The following GPR158 variants were observed in gnomAD, a reference collection of about 807,000 sequenced individuals.
The protein encoded by GPR158 is metabotropic glycine receptor.
In GPR158, 30 loss-of-function variants were observed where a neutral mutation model predicts 78.2. The ratio of observed to expected loss-of-function variants is 0.38; its 90% confidence interval spans 0.29 to 0.52. The LOEUF (loss-of-function observed/expected upper bound fraction) is 0.52, where lower values mean the gene tolerates loss of function less well. GPR158 is among the 20% of genes least tolerant of loss of function. GPR158 has a pLI of 0.83. For missense variants in GPR158, 1,463 were observed against 1,523.5 expected (o/e 0.96, Z 0.66); for synonymous variants, 581 against 591.1 (o/e 0.98, Z 0.25).
At chr10:25,535,496 G>A (rs1327562454) in intron 5 of GPR158, among the ~76,000 whole-genome samples, 2 of 152,200 alleles carry the variant, frequency 1.3e-5, no homozygotes, top group African/African-American at 4.8e-5. Context: ...GCATGGGCTT[G>A]GAAGTGTATC....
Position 25,597,652 on chromosome 10 carries a change from C to G in GPR158, c.2146-120C>G, listed in dbSNP as rs1243825465. The G allele has an allele frequency of 6.5e-6, 4 of 616,568 alleles. No individual in the cohort carries two copies. The East Asian group carries it at 8.8e-5, about 14-fold the overall frequency. 38.2% of individuals were successfully genotyped at this position (616,568 alleles called of 1,614,324 possible). On this transcript the variant is annotated intron_variant, in intron 10 of 10. Coordinates refer to ENST00000376351, the MANE Select transcript of GPR158 (RefSeq NM_020752.3). ...CGACAAGTACATATGTCAGAGAAAG[C>G]TGTAGAGCAGTTGCCCCAAATTAGA... is the stretch of plus-strand genomic sequence containing the variant.
intron 2 of GPR158, among the ~76,000 whole-genome samples, chr10:25,273,508 A>G (rs925196856): frequency 1.3e-5 from 2 of 150,374 alleles, no homozygotes; most frequent in Non-Finnish European, 2.9e-5. Context: ...TATTTTTCAG[A>G]TACAAAGACT....
chr10:25,307,523 A>G (rs958545915), intron 2 of GPR158, among the ~76,000 whole-genome samples: 1 of 151,762 alleles, frequency 6.6e-6, no homozygotes, highest in Admixed American at 6.6e-5. Flanking sequence ...AGCTGGGACT[A>G]CAGGCATGTG....
At chr10:25,428,477 G>C (rs1360458201) in intron 4 of GPR158, among the ~76,000 whole-genome samples, 1 of 152,014 alleles carries the variant, frequency 6.6e-6, no homozygotes, top group Non-Finnish European at 1.5e-5. Context: ...ATCGGATCCA[G>C]AGAACTCTTC....
intron 5 of GPR158, among the ~76,000 whole-genome samples, chr10:25,494,103 G>A (rs2130650611): frequency 6.6e-6 from 1 of 152,268 alleles, no homozygotes; most frequent in Non-Finnish European, 1.5e-5. Flanking sequence ...GTTGACTTCT[G>A]CATTTCTCAA....
chr10:25,488,659 TCTTC>T (rs1029405972), intron 5 of GPR158, among the ~76,000 whole-genome samples: 22 of 152,246 alleles, frequency 1.4e-4, no homozygotes, highest in Admixed American at 3.3e-4. Flanking sequence ...TTTATATAGC[TCTTC>T]CTTCTTGTTC....
chr10:25,269,472 C>T (rs1423853495), intron 2 of GPR158, among the ~76,000 whole-genome samples: 1 of 152,118 alleles, frequency 6.6e-6, no homozygotes, highest in Non-Finnish European at 1.5e-5. Context: ...TTATATCCCT[C>T]CCCCAATCCC....
chr10:25,301,232 C>T (rs532538), intron 2 of GPR158, among the ~76,000 whole-genome samples: 91,203 of 152,004 alleles, frequency 0.6, 29,162 homozygotes, highest in Non-Finnish European at 0.74. Flanking sequence ...GGTTTTTCAA[C>T]GAATAGACTG....
At chr10:25,278,431 A>G (rs1421195203) in intron 2 of GPR158, among the ~76,000 whole-genome samples, 1 of 152,202 alleles carries the variant, frequency 6.6e-6, no homozygotes, top group Non-Finnish European at 1.5e-5. Context: ...TTGGAGGATT[A>G]AATAATAAGT....
chr10:25,290,938 A>G lies in GPR158; in HGVS notation c.1008+69781A>G, dbSNP rs560612894. On this transcript the variant is annotated intron_variant, in intron 2 of 10. Coordinates refer to ENST00000376351, the MANE Select transcript of GPR158 (RefSeq NM_020752.3). Reference sequence around the variant, plus strand: ...AAAATTCTATTGTAATAAAAATTTAACCAAATTATTTAAAAATTTAATGAA... The same window carrying G: ...AAAATTCTATTGTAATAAAAATTTAGCCAAATTATTTAAAAATTTAATGAA... 2.5e-4 allele frequency among the ~76,000 whole-genome samples: 38 copies of G among 152,216 alleles called. No homozygotes were observed. In the East Asian group the frequency reaches 5.6e-3, roughly 22 times the overall value.
chr10:25,324,040 A>G (rs1854993627), intron 2 of GPR158, among the ~76,000 whole-genome samples: 1 of 152,192 alleles, frequency 6.6e-6, no homozygotes, highest in Non-Finnish European at 1.5e-5. Flanking sequence ...AGATCAAGGG[A>G]ATGTCATGTC....
chr10:25,272,632 C>G (rs1389413976), intron 2 of GPR158, among the ~76,000 whole-genome samples: 1 of 152,120 alleles, frequency 6.6e-6, no homozygotes, highest in South Asian at 2.1e-4. Flanking sequence ...ATTGCTTCTC[C>G]CAGGAGATTC....
chr10:25,238,462 T>C (rs1431293046), intron 2 of GPR158, among the ~76,000 whole-genome samples: 1 of 152,244 alleles, frequency 6.6e-6, no homozygotes, highest in Non-Finnish European at 1.5e-5. Context: ...ACAACATCTT[T>C]TATATACATT....
chr10:25,567,092 G>T (rs1836939919), intron 6 of GPR158, among the ~76,000 whole-genome samples: 1 of 151,964 alleles, frequency 6.6e-6, no homozygotes, highest in African/African-American at 2.4e-5. Context: ...TCCAATTAAG[G>T]TAATAGGACA....
rs199660896 is a variant in GPR158 at position 25,599,084 on chromosome 10, G to C, written c.3458G>C (p.Gly1153Ala). ...KTSSSEENVR[G>A]SYNSSNNFQQ... ...TCTTCTTCTGAGGAGAATGTGCGTG[G>C]CTCCTATAACTCAAGTAATAACTTC... The change falls in exon 11 of 11, where the codon GGC (glycine) becomes GCC (alanine). Residue 1153 changes from glycine (G) to alanine (A), a missense_variant. Gly to Ala is a moderately conservative substitution (Grantham distance 60). Transcript: ENST00000376351. 2 of 1,613,142 alleles carry C rather than the reference G, an allele frequency of 1.2e-6. No homozygotes were observed. Among genetic ancestry groups the C allele is most frequent in the Non-Finnish European group, 1.7e-6 (2 of 1,179,976 alleles).
chr10:25,282,144 C>T (rs1172578300), intron 2 of GPR158, among the ~76,000 whole-genome samples: 3 of 152,144 alleles, frequency 2.0e-5, no homozygotes, highest in Admixed American at 1.3e-4. Context: ...TAGCCCTCAC[C>T]CTAGACCCCT....
intron 6 of GPR158, among the ~76,000 whole-genome samples, chr10:25,568,884 T>G (rs1836966704): frequency 6.6e-6 from 1 of 152,176 alleles, no homozygotes; most frequent in Non-Finnish European, 1.5e-5. Context: ...GACTTATCTA[T>G]GAAAAAATAG....
chr10:25,308,574 C>T (rs765530663), intron 2 of GPR158, among the ~76,000 whole-genome samples: 3 of 152,082 alleles, frequency 2.0e-5, no homozygotes, highest in Non-Finnish European at 4.4e-5. Flanking sequence ...TAAAATTTGC[C>T]ATCTTAACAG....
chr10:25,447,755 A>G (rs931030592), intron 4 of GPR158, among the ~76,000 whole-genome samples: 1 of 152,200 alleles, frequency 6.6e-6, no homozygotes, highest in Non-Finnish European at 1.5e-5. Context: ...TTGACTTTTT[A>G]TCTTTAATCA....
Sources: gnomAD v4.1 joint callset for allele counts (sites outside exome capture counted in the v4.1 genomes callset) on GRCh38, gnomAD v4.1.1 for gene constraint, MANE v1.5 for transcripts, NCBI Gene and HGNC (gene_info 2026-07-23, HGNC 2026-07-21) for gene names.